Variants in TBCE observed in about 807,000 individuals in gnomAD.
TBCE encodes the protein tubulin folding cofactor E.
In TBCE, 53 loss-of-function variants were observed where a neutral mutation model predicts 77.0. The ratio of observed to expected loss-of-function variants is 0.69; its 90% CI spans 0.55 to 0.87. TBCE has a LOEUF of 0.87. Among genes scored for constraint, TBCE ranks in the 40% least tolerant of loss-of-function variants. TBCE has a pLI of 0.00. For synonymous variants in TBCE, 235 were observed against 241.3 expected, an observed-to-expected ratio of 0.97 and a Z score of 0.24; for missense variants, 624 against 622.4, an observed-to-expected ratio of 1.00 and a Z score of -0.03.
chr1:235,415,492 G>C (rs562634343), intron 4 of TBCE: 4 of 152,166 alleles, frequency 2.6e-5, no homozygotes, highest in Non-Finnish European at 4.4e-5. Flanking sequence ...TGACTTGGAC[G>C]AGGCATCTGG....
rs573824163 is a variant in TBCE at position 235,387,094 on chromosome 1, A to G, written c.100+6945A>G. Reference sequence around the variant, plus strand: ...GACCGTTTGCCTGGGTATCAGCAGCAGTGGCTGCAGAACAGCGGATTTTCG... The same window carrying G: ...GACCGTTTGCCTGGGTATCAGCAGCGGTGGCTGCAGAACAGCGGATTTTCG... On this transcript the variant is annotated intron_variant, in intron 2 of 16. Transcript: ENST00000642610. 6.1e-3 allele frequency among the ~76,000 whole-genome samples: 924 copies of G among 152,316 alleles called. 7 individuals are homozygous for G. Among genetic ancestry groups the G allele is most frequent in the African/African-American group, 0.021 (890 of 41,574 alleles).
chr1:235,404,436 T>C lies in TBCE; in HGVS notation c.185+2849T>C, dbSNP rs146100539. Among the ~76,000 whole-genome samples, 772 of 150,614 alleles carry C rather than the reference T, an allele frequency of 5.1e-3. 7 individuals carry two copies. Among genetic ancestry groups the C allele is most frequent in the South Asian group, 0.012 (56 of 4,768 alleles). ...GATCTCATCATAAAAAAAAAAAAGA[T>C]AGAAAATGGTATGCCTGCATAGGGC... On this transcript the variant is annotated intron_variant, in intron 3 of 16. Transcript: ENST00000642610.
intron 2 of TBCE, among the ~76,000 whole-genome samples, chr1:235,390,625 G>T (rs1055992893): frequency 3.6e-4 from 54 of 152,066 alleles, no homozygotes; most frequent in Non-Finnish European, 5.0e-4. Context: ...GTCAGATGTG[G>T]TGGTGCATGC....
intron 4 of TBCE, chr1:235,418,594 A>G (rs1243750911): frequency 6.6e-6 from 1 of 152,264 alleles, no homozygotes; most frequent in Non-Finnish European, 1.5e-5. Context: ...ACTCCATAGC[A>G]TGTACTTCTG....
chr1:235,396,730 A>G (rs1678745326), intron 2 of TBCE, among the ~76,000 whole-genome samples: 1 of 152,158 alleles, frequency 6.6e-6, no homozygotes, highest in Non-Finnish European at 1.5e-5. Context: ...TCTGATGATC[A>G]GTGATGTTGA....
Position 235,374,327 on chromosome 1 carries a change from G to A in TBCE, c.-31-5692G>A, listed in dbSNP as rs140570111. On this transcript the variant is annotated intron_variant, in intron 1 of 16. Transcript: ENST00000642610. Reference sequence around the variant, plus strand: ...GGTCAGGCCACATCTGGAATGTGGCGTTCAGTTCTAGATATCGCAATTTAA... The same window carrying A: ...GGTCAGGCCACATCTGGAATGTGGCATTCAGTTCTAGATATCGCAATTTAA... 3.5e-4 allele frequency among the ~76,000 whole-genome samples: 51 copies of A among 145,840 alleles called. 7 individuals are homozygous for A. Among genetic ancestry groups the A allele is most frequent in the African/African-American group, 8.7e-4 (33 of 37,840 alleles).
At chr1:235,378,869 A>T (rs746715827) in intron 1 of TBCE, among the ~76,000 whole-genome samples, 101 of 152,148 alleles carry the variant, frequency 6.6e-4, no homozygotes, top group Non-Finnish European at 1.1e-3. Context: ...TCAAGAAAAG[A>T]AAAAAAGAAA....
intron 4 of TBCE, 30 bp from the exon 5 acceptor site, chr1:235,419,443 G>C: frequency 1.2e-6 from 2 of 1,614,034 alleles, no homozygotes; most frequent in Non-Finnish European, 1.7e-6. Flanking sequence ...ACGTGCTTAT[G>C]TATCCATGTG....
At position 235,448,705 on chromosome 1, in the gene TBCE, A is replaced by G. The variant is rs766807109; in HGVS notation, c.1527A>G (p.Leu509=). Residue 509 remains leucine, a synonymous_variant, in exon 17 of 17, where the codon CTA becomes CTG. Coordinates refer to ENST00000642610, the MANE Select transcript of TBCE (RefSeq NM_003193.5). The part of the protein sequence containing the change: ...PGREIELEND[L]KSLQFYSVEN... ...GAGAAATCGAGCTGGAAAATGACCT[A>G]AAGTCATTACAGTTTTATTCTGTGG... The G allele has an allele frequency of 1.9e-6, 3 of 1,614,066 alleles. No individual in the cohort carries two copies. Among genetic ancestry groups the G allele is most frequent in the Non-Finnish European group, 1.7e-6 (2 of 1,179,928 alleles).
chr1:235,441,684 G>GC (rs1681886390), intron 13 of TBCE, 130 bp from the exon 14 acceptor site: 3 of 774,332 alleles, frequency 3.9e-6, no homozygotes, highest in Non-Finnish European at 6.6e-6. Flanking sequence ...CTGAATAAAG[G>GC]CAGCTCCATG....
chr1:235,375,903 C>T (rs1489423773), intron 1 of TBCE, among the ~76,000 whole-genome samples: 1 of 152,032 alleles, frequency 6.6e-6, no homozygotes. Context: ...ACAAAATTAG[C>T]CGGGCTTGGT....
At chr1:235,395,780 G>A (rs895572297) in intron 2 of TBCE, among the ~76,000 whole-genome samples, 6 of 151,194 alleles carry the variant, frequency 4.0e-5, no homozygotes, top group African/African-American at 1.5e-4. Context: ...CCTGACCTCA[G>A]GTGATCCACC....
chr1:235,374,720 C>T (rs1224988760), intron 1 of TBCE, among the ~76,000 whole-genome samples: 1 of 143,830 alleles, frequency 7.0e-6, no homozygotes, highest in East Asian at 1.9e-4. Flanking sequence ...AGGCTGGTCT[C>T]GAACTCCTGA....
chr1:235,423,153 G>A (rs552304987), intron 5 of TBCE, among the ~76,000 whole-genome samples: 26 of 152,016 alleles, frequency 1.7e-4, no homozygotes, highest in Non-Finnish European at 2.8e-4. Flanking sequence ...ACCAGAACTC[G>A]AGGCAGTGGG....
intron 1 of TBCE, among the ~76,000 whole-genome samples, chr1:235,379,121 T>G (rs551852390): frequency 6.6e-6 from 1 of 152,218 alleles, no homozygotes; most frequent in African/African-American, 2.4e-5. Context: ...TTCTTAACTA[T>G]TATGTTTTTG....
intron 2 of TBCE, among the ~76,000 whole-genome samples, chr1:235,401,142 G>A (rs1181699490): frequency 5.3e-5 from 8 of 151,930 alleles, no homozygotes; most frequent in Non-Finnish European, 1.0e-4. Context: ...AGTTTTGAAT[G>A]TACAGTTTAG....
chr1:235,428,687 A>C (rs1026989647), intron 6 of TBCE, among the ~76,000 whole-genome samples: 1 of 147,936 alleles, frequency 6.8e-6, no homozygotes, highest in Non-Finnish European at 1.5e-5. Flanking sequence ...CCCTGTCGCC[A>C]GGCTGGAGTG....
chr1:235,410,006 C>T (rs113534471), intron 3 of TBCE, among the ~76,000 whole-genome samples: 2 of 139,150 alleles, frequency 1.4e-5, no homozygotes, highest in Non-Finnish European at 3.1e-5. Flanking sequence ...CTCCAGCCTG[C>T]GTGACAGAGT....
chr1:235,434,385 A>G lies in TBCE; in HGVS notation c.737+105A>G. The G allele has an allele frequency of 6.6e-6, 7 of 1,055,496 alleles. No individual in the cohort carries two copies. In the East Asian group the frequency reaches 7.3e-5, roughly 11 times the overall value. The allele number at this position is 1,055,496 out of a possible 1,614,324, so 65.4% of individuals were successfully genotyped here. A position where few individuals can be genotyped will look rare whatever the true frequency, so the allele number is the denominator to read the frequency against. On this transcript the variant is annotated intron_variant, in intron 8 of 16. Transcript: ENST00000642610. ...CCTTAATTTTTAGAAGGATTTGCAA[A>G]CAAGAATTAGGAAAAATGCTTATTA...
Sources: gnomAD v4.1 joint callset for allele counts (sites outside exome capture counted in the v4.1 genomes callset) on GRCh38, gnomAD v4.1.1 for gene constraint, MANE v1.5 for transcripts, NCBI Gene and HGNC (gene_info 2026-07-23, HGNC 2026-07-21) for gene names.